The following NKAIN3 variants were observed in gnomAD, a reference collection of about 807,000 sequenced individuals.
NKAIN3 encodes the protein sodium/potassium-transporting ATPase subunit beta-1-interacting protein 3.
A neutral mutation model predicts 30.2 loss-of-function variants in NKAIN3; 25 were observed. That is an observed-to-expected ratio of 0.83 (90% CI 0.60 to 1.16). The LOEUF is 1.16. Ranked by LOEUF, NKAIN3 falls within the 50% of genes most tolerant of loss-of-function variation. NKAIN3 has a pLI of 0.00. For synonymous variants in NKAIN3, 91 were observed against 89.6 expected (o/e 1.02, Z -0.09); for missense variants, 225 against 254.1 (o/e 0.89, Z 0.78).
At chr8:62,729,040 C>A (rs28766979) in intron 3 of NKAIN3, among the ~76,000 whole-genome samples, 22,793 of 58,316 alleles carry the variant, frequency 0.39, 5,799 homozygotes, top group African/African-American at 0.43. Context: ...AAAAAAAAAA[C>A]AAAAAAAAAA....
chr8:62,342,059 T>A lies in NKAIN3; in HGVS notation c.54+92932T>A, dbSNP rs573634295. ...GATCTTCTATCTCCCAGTGTAAATT[T>A]CAATCCATTCTATCATGATTGGAAA... is the stretch of plus-strand genomic sequence containing the variant. On this transcript the variant is annotated intron_variant, in intron 1 of 6. Coordinates refer to ENST00000623646, the MANE Select transcript of NKAIN3 (RefSeq NM_001304533.3). Among the ~76,000 whole-genome samples the A allele has an allele frequency of 1.9e-3, 289 of 152,106 alleles. 3 individuals carry two copies. Among genetic ancestry groups the A allele is most frequent in the African/African-American group, 6.8e-3 (281 of 41,516 alleles).
intron 4 of NKAIN3, among the ~76,000 whole-genome samples, chr8:62,867,851 A>G (rs1384376840): frequency 3.3e-5 from 5 of 152,260 alleles, no homozygotes; most frequent in Middle Eastern, 6.3e-3. Context: ...CCATGTTCCA[A>G]AATGAAATAG....
At chr8:62,431,293 C>G (rs986247608) in intron 1 of NKAIN3, among the ~76,000 whole-genome samples, 1 of 151,820 alleles carries the variant, frequency 6.6e-6, no homozygotes, top group African/African-American at 2.4e-5. Flanking sequence ...TAACAAAGAA[C>G]TCTCATTTAA....
intron 5 of NKAIN3, among the ~76,000 whole-genome samples, chr8:62,946,697 A>C (rs1409056220): frequency 2.6e-5 from 4 of 152,168 alleles, no homozygotes; most frequent in Non-Finnish European, 5.9e-5. Flanking sequence ...TTTCTTTAAG[A>C]TGTTATTGCT....
At chr8:62,778,013 C>A (rs1390553996) in intron 4 of NKAIN3, among the ~76,000 whole-genome samples, 1 of 152,108 alleles carries the variant, frequency 6.6e-6, no homozygotes, top group Non-Finnish European at 1.5e-5. Flanking sequence ...TCTAGATTAT[C>A]AGGCAGAAAC....
chr8:62,778,438 T>C (rs1318247723), intron 4 of NKAIN3, among the ~76,000 whole-genome samples: 1 of 151,962 alleles, frequency 6.6e-6, no homozygotes, highest in Non-Finnish European at 1.5e-5. Context: ...ACCATTCTTC[T>C]CTCCCCTTTC....
At chr8:62,520,659 T>C (rs1376010791) in intron 1 of NKAIN3, among the ~76,000 whole-genome samples, 1 of 152,068 alleles carries the variant, frequency 6.6e-6, no homozygotes, top group Non-Finnish European at 1.5e-5. Context: ...CTGAAATAAC[T>C]ACAGGTTTAA....
intron 3 of NKAIN3, among the ~76,000 whole-genome samples, chr8:62,693,192 T>C (rs554333012): frequency 1.3e-5 from 2 of 152,316 alleles, no homozygotes; most frequent in East Asian, 3.9e-4. Context: ...CAGAGATAAT[T>C]TGCCTCACTT....
At chr8:62,638,685 A>G (rs1337193722) in intron 3 of NKAIN3, among the ~76,000 whole-genome samples, 1 of 152,082 alleles carries the variant, frequency 6.6e-6, no homozygotes, top group Non-Finnish European at 1.5e-5. Context: ...ACCCCAATTT[A>G]ATACTTACAA....
At chr8:62,783,367 C>T (rs1187770157) in intron 4 of NKAIN3, among the ~76,000 whole-genome samples, 2 of 152,102 alleles carry the variant, frequency 1.3e-5, no homozygotes, top group African/African-American at 4.8e-5. Context: ...AGATCCTCAG[C>T]AGAATCCAAC....
At chr8:62,764,223 T>C (rs181149480) in intron 4 of NKAIN3, among the ~76,000 whole-genome samples, 9 of 152,352 alleles carry the variant, frequency 5.9e-5, no homozygotes, top group African/African-American at 1.9e-4. Context: ...GTACTGAACA[T>C]ATTCCATGTG....
intron 5 of NKAIN3, among the ~76,000 whole-genome samples, chr8:62,926,597 G>C (rs1822453183): frequency 6.6e-6 from 1 of 152,188 alleles, no homozygotes; most frequent in Admixed American, 6.5e-5. Context: ...CCTCATTTTA[G>C]AGAACTTAGA....
intron 1 of NKAIN3, among the ~76,000 whole-genome samples, chr8:62,552,083 G>C (rs71525492): frequency 6.6e-6 from 1 of 152,048 alleles, no homozygotes; most frequent in Non-Finnish European, 1.5e-5. Context: ...TGTATATTGC[G>C]GTGCAACACA....
At chr8:62,452,340 G>A (rs1188002725) in intron 1 of NKAIN3, among the ~76,000 whole-genome samples, 2 of 152,096 alleles carry the variant, frequency 1.3e-5, no homozygotes, top group Non-Finnish European at 2.9e-5. Context: ...GGTGGGCGTG[G>A]TGGCATGCAC....
intron 1 of NKAIN3, among the ~76,000 whole-genome samples, chr8:62,436,200 T>C (rs1407483060): frequency 6.6e-6 from 1 of 152,178 alleles, no homozygotes; most frequent in Non-Finnish European, 1.5e-5. Flanking sequence ...TATTTCTCTA[T>C]TCTCACTAAT....
chr8:62,675,683 G>T (rs1236930622), intron 3 of NKAIN3, among the ~76,000 whole-genome samples: 1 of 152,146 alleles, frequency 6.6e-6, no homozygotes, highest in Non-Finnish European at 1.5e-5. Flanking sequence ...ACAGCTGCAA[G>T]GTACACTTTC....
chr8:62,486,887 G>A (rs1806920159), intron 1 of NKAIN3, among the ~76,000 whole-genome samples: 1 of 152,196 alleles, frequency 6.6e-6, no homozygotes, highest in South Asian at 2.1e-4. Flanking sequence ...GGTTGAAGCA[G>A]TTTGGGAAGT....
At chr8:62,778,068 A>G (rs1360368738) in intron 4 of NKAIN3, among the ~76,000 whole-genome samples, 1 of 152,118 alleles carries the variant, frequency 6.6e-6, no homozygotes. Flanking sequence ...GTCTCTGTAT[A>G]TGCTGAGCTG....
chr8:62,634,443 A>G (rs544660020), intron 3 of NKAIN3, among the ~76,000 whole-genome samples: 11 of 152,146 alleles, frequency 7.2e-5, no homozygotes, highest in Non-Finnish European at 1.6e-4. Flanking sequence ...TCCCTTCTCC[A>G]CAGCTGCAAC....
Sources: allele counts gnomAD v4.1 joint callset (sites outside exome capture counted in the v4.1 genomes callset), GRCh38; gene constraint gnomAD v4.1.1; transcripts MANE v1.5; gene names NCBI Gene and HGNC (gene_info 2026-07-23, HGNC 2026-07-21).